The following HDAC9 variants were observed in gnomAD, a reference collection of about 807,000 sequenced individuals.
HDAC9 encodes the protein histone deacetylase 9.
Under a neutral mutation model 139.4 loss-of-function variants are expected in HDAC9, and 41 were observed. The observed-to-expected ratio is 0.29, with a 90% CI of 0.23 to 0.38. The LOEUF (loss-of-function observed/expected upper bound fraction) is 0.38. HDAC9 is among the 10% of genes least tolerant of loss of function. The pLI is 1.00. For missense variants in HDAC9, 1,147 were observed against 1,297.0 expected (o/e 0.88, Z 1.78); for synonymous variants, 517 against 476.2 (o/e 1.09, Z -1.12).
intron 1 of HDAC9, among the ~76,000 whole-genome samples, chr7:18,296,000 T>C (rs768971136): frequency 1.8e-4 from 27 of 152,308 alleles, no homozygotes; most frequent in Non-Finnish European, 3.4e-4. Flanking sequence ...CTAGAATTTT[T>C]CTGCAGGAGA....
At chr7:18,423,970 T>G (rs1315907834) in intron 1 of HDAC9, among the ~76,000 whole-genome samples, 2 of 152,166 alleles carry the variant, frequency 1.3e-5, no homozygotes, top group East Asian at 3.9e-4. Context: ...AGCCCAACCT[T>G]TTAACAAATA....
chr7:18,960,144 G>T (rs764055690), intron 24 of HDAC9, among the ~76,000 whole-genome samples: 1 of 151,996 alleles, frequency 6.6e-6, no homozygotes, highest in East Asian at 1.9e-4. Context: ...TGTTGCAGGG[G>T]AATGTTACAA....
intron 23 of HDAC9, among the ~76,000 whole-genome samples, chr7:18,936,908 A>G (rs1339066292): frequency 6.6e-6 from 1 of 152,042 alleles, no homozygotes; most frequent in East Asian, 1.9e-4. Flanking sequence ...TATTTTACAA[A>G]CCTGTAATGT....
chr7:18,676,002 C>T (rs1029992838), intron 12 of HDAC9, among the ~76,000 whole-genome samples: 10 of 151,914 alleles, frequency 6.6e-5, no homozygotes, highest in African/African-American at 1.9e-4. Flanking sequence ...ATCATTGTTC[C>T]GAAGGATGTA....
intron 16 of HDAC9, among the ~76,000 whole-genome samples, chr7:18,771,561 G>GTT (rs1790295858): frequency 6.6e-6 from 1 of 150,654 alleles, no homozygotes; most frequent in African/African-American, 2.5e-5. Context: ...GTGTGTGTGT[G>GTT]TGTTTATATA....
In HDAC9 at chr7:18,921,581, G is replaced by C. The variant is rs555215384; in HGVS notation, c.2804-14228G>C. Among the ~76,000 whole-genome samples, 11 of 152,252 alleles carry C rather than the reference G, an allele frequency of 7.2e-5. No individual in the cohort carries two copies. The South Asian group carries it at 1.9e-3, about 26-fold the overall frequency. On this transcript the variant is annotated intron_variant, in intron 22 of 25. Transcript: ENST00000686413. ...ATCATTAAAAAGTCAGGAAACAACAGGTGCTGGAGAGGATGTGGAGAAATA... is the reference window on the plus strand; with the variant it reads ...ATCATTAAAAAGTCAGGAAACAACACGTGCTGGAGAGGATGTGGAGAAATA...
chr7:18,462,845 G>T (rs1287838346), intron 1 of HDAC9, among the ~76,000 whole-genome samples: 4 of 151,832 alleles, frequency 2.6e-5, no homozygotes, highest in Non-Finnish European at 4.4e-5. Flanking sequence ...TTTTATTATT[G>T]CTGTTTTTCC....
At chr7:18,745,883 CTTTTT>C (rs752292349) in intron 13 of HDAC9, among the ~76,000 whole-genome samples, 81 of 99,480 alleles carry the variant, frequency 8.1e-4, no homozygotes, top group Middle Eastern at 0.016. Flanking sequence ...TCTTCTTCTT[CTTTTT>C]TTTTTTTTTT....
chr7:18,860,192 G>A (rs527364290), intron 21 of HDAC9, among the ~76,000 whole-genome samples: 3 of 152,022 alleles, frequency 2.0e-5, no homozygotes, highest in Non-Finnish European at 4.4e-5. Flanking sequence ...TTTCCAAAGT[G>A]CACGTGTCAC....
At chr7:18,942,615 A>C (rs957983373) in intron 23 of HDAC9, among the ~76,000 whole-genome samples, 4 of 152,072 alleles carry the variant, frequency 2.6e-5, no homozygotes, top group African/African-American at 9.7e-5. Context: ...GAAAATAACT[A>C]TTAGCAATTT....
chr7:18,785,025 C>T (rs540866180), intron 16 of HDAC9, among the ~76,000 whole-genome samples: 1 of 151,494 alleles, frequency 6.6e-6, no homozygotes, highest in African/African-American at 2.4e-5. Flanking sequence ...ATATGATGTT[C>T]CTTGACCCTT....
At chr7:18,440,107 T>A (rs1166041159) in intron 1 of HDAC9, among the ~76,000 whole-genome samples, 1 of 152,042 alleles carries the variant, frequency 6.6e-6, no homozygotes. Flanking sequence ...GGTATAAATA[T>A]AAGAATAACT....
chr7:18,600,269 ATT>A (rs1833597875), intron 6 of HDAC9, among the ~76,000 whole-genome samples: 1 of 151,942 alleles, frequency 6.6e-6, no homozygotes, highest in African/African-American at 2.4e-5. Flanking sequence ...TTCTTGTATC[ATT>A]GTCTTTCACA....
chr7:18,394,190 T>C (rs1173257591), intron 1 of HDAC9, among the ~76,000 whole-genome samples: 1 of 152,158 alleles, frequency 6.6e-6, no homozygotes, highest in African/African-American at 2.4e-5. Context: ...AGGCTATCCT[T>C]TACAATTATA....
At chr7:18,447,463 T>C (rs530990868) in intron 1 of HDAC9, among the ~76,000 whole-genome samples, 2 of 152,204 alleles carry the variant, frequency 1.3e-5, no homozygotes, top group African/African-American at 2.4e-5. Context: ...TATTATATTG[T>C]TGTGGAGCCA....
At chr7:18,257,104 G>A (rs1443770541) in intron 2 of HDAC9, among the ~76,000 whole-genome samples, 1 of 134,048 alleles carries the variant, frequency 7.5e-6, no homozygotes, top group Admixed American at 8.3e-5. Flanking sequence ...GTGTATGTGT[G>A]TGTGTGTGCA....
chr7:18,195,794 A>G (rs1790684426), intron 2 of HDAC9, among the ~76,000 whole-genome samples: 1 of 152,070 alleles, frequency 6.6e-6, no homozygotes, highest in African/African-American at 2.4e-5. Flanking sequence ...CTCATTCTTT[A>G]TACTCAATAT....
At chr7:18,625,397 C>A (rs1841404136) in intron 6 of HDAC9, among the ~76,000 whole-genome samples, 1 of 152,158 alleles carries the variant, frequency 6.6e-6, no homozygotes, top group Non-Finnish European at 1.5e-5. Flanking sequence ...CAGGGTTTCT[C>A]ATACTTCGCA....
rs143371140 is a variant in HDAC9 at position 18,683,658 on chromosome 7, G to A, written c.1731+17182G>A. On this transcript the variant is annotated intron_variant, in intron 12 of 25. Transcript: ENST00000686413. ...GATAATGGACAAAATTTATTGAAGC[G>A]CTTGCTTACTTCTTATAGGTATATT... Among the ~76,000 whole-genome samples the A allele has an allele frequency of 2.7e-3, 412 of 152,078 alleles. 1 individual carries two copies. Among genetic ancestry groups the A allele is most frequent in the African/African-American group, 9.5e-3 (394 of 41,524 alleles).
Sources: gnomAD v4.1 joint callset for allele counts (sites outside exome capture counted in the v4.1 genomes callset) on GRCh38, gnomAD v4.1.1 for gene constraint, MANE v1.5 for transcripts, NCBI Gene and HGNC (gene_info 2026-07-23, HGNC 2026-07-21) for gene names.